Variants in HDAC11 observed in about 807,000 individuals in gnomAD.
HDAC11 encodes histone deacetylase 11.
Under a neutral mutation model 41.1 loss-of-function variants are expected in HDAC11, and 23 were observed. The observed-to-expected ratio is 0.56, with a 90% CI of 0.40 to 0.79. The LOEUF (loss-of-function observed/expected upper bound fraction) is 0.79. Among genes scored for constraint, HDAC11 ranks in the 30% least tolerant of loss-of-function variants. HDAC11 has a pLI of 0.00. For synonymous variants in HDAC11, 187 were observed against 186.6 expected (o/e 1.00, Z -0.02); for missense variants, 402 against 477.3 (o/e 0.84, Z 1.47).
At chr3:13,501,600 C>T (rs75028808) in intron 6 of HDAC11, 2 of 678,944 alleles carry the variant, frequency 2.9e-6, no homozygotes, top group African/African-American at 1.8e-5. Context: ...CCTGAGTGAC[C>T]CACTTACCTC....
In HDAC11 at chr3:13,506,320, C is replaced by T. The variant is rs1702624397; in HGVS notation, c.*1637C>T. The stretch of plus-strand genomic sequence containing the variant: ...TGTGTGTGCTGGAGGCAAAGAATCC[C>T]TACCTCCTAGGGGTGAAAGGAAATG... On this transcript the variant is annotated 3_prime_UTR_variant, in exon 10 of 10. Transcript: ENST00000295757. The T allele has an allele frequency of 6.6e-6, 1 of 152,240 alleles. No homozygotes were observed. Among genetic ancestry groups the T allele is most frequent in the African/African-American group, 2.4e-5 (1 of 41,444 alleles). The allele number at this position is 152,240 out of a possible 1,614,324, so 9.4% of individuals were successfully genotyped here. A position where few individuals can be genotyped will look rare whatever the true frequency, so the allele number is the denominator to read the frequency against.
chr3:13,481,070 T>C (rs531927654), intron 1 of HDAC11, 176 bp from the exon 2 acceptor site: 7 of 645,124 alleles, frequency 1.1e-5, no homozygotes, highest in South Asian at 7.8e-5. Context: ...TGGATTGGAA[T>C]TGGGTTCCGG....
In HDAC11 at chr3:13,506,019, C is replaced by T. The variant is rs1439207571; in HGVS notation, c.*1336C>T. On this transcript the variant is annotated 3_prime_UTR_variant, in exon 10 of 10. Transcript: ENST00000295757. The stretch of plus-strand genomic sequence containing the variant: ...CAGTGAGGGGGTGCTCCCACTGTCT[C>T]CCGGCCTCCCTAATGCTCCCTCTGC... 6.6e-6 allele frequency: 1 copy of T among 152,280 alleles called. No homozygotes were observed. Among genetic ancestry groups the T allele is most frequent in the South Asian group, 2.1e-4 (1 of 4,836 alleles). The allele number at this position is 152,280 out of a possible 1,614,324, so 9.4% of individuals were successfully genotyped here. A position where few individuals can be genotyped will look rare whatever the true frequency, so the allele number is the denominator to read the frequency against.
rs774403754 is a variant in HDAC11, at chr3:13,480,756, C to T, written c.2+407C>T. On this transcript the variant is annotated intron_variant, in intron 1 of 9. Transcript: ENST00000295757. This position sits in a 1 kb window ranked among gnomAD's most constrained non-coding sequence, Gnocchi z 4.6. ...GCGCAGCGGGGTCAGGGGATCCCCG[C>T]CCCCCGCCCTGGCTCAGGTTGGGTC... 5 of 472,166 alleles carry T rather than the reference C, an allele frequency of 1.1e-5. No homozygotes were observed. Among genetic ancestry groups the T allele is most frequent in the South Asian group, 1.6e-5 (1 of 61,984 alleles). The allele number at this position is 472,166 out of a possible 1,614,324, so 29.2% of individuals were successfully genotyped here.
chr3:13,487,319 T>C (rs1701643191), intron 3 of HDAC11, among the ~76,000 whole-genome samples: 1 of 152,198 alleles, frequency 6.6e-6, no homozygotes, highest in Non-Finnish European at 1.5e-5. Context: ...CTCAGGCTGC[T>C]TTTCCCTGGT....
At chr3:13,501,803 G>T in intron 6 of HDAC11, 68 bp from the exon 7 acceptor site, 2 of 1,442,342 alleles carry the variant, frequency 1.4e-6, no homozygotes. Context: ...CAGCCAGCTG[G>T]GAGTTGCTGT....
chr3:13,504,329 A>G lies in HDAC11; in HGVS notation c.828+57A>G. Reference sequence around the variant, plus strand: ...TCTGCTCTATGGACTCAGCAGCAGCAGGAAAGGTGGGCGGCCTCATGTCAG... The same window carrying G: ...TCTGCTCTATGGACTCAGCAGCAGCGGGAAAGGTGGGCGGCCTCATGTCAG... On this transcript the variant is annotated intron_variant, in intron 9 of 9. Transcript: ENST00000295757. The G allele has an allele frequency of 1.9e-6, 3 of 1,599,604 alleles. No homozygotes were observed. In the South Asian group the frequency reaches 3.3e-5, roughly 18 times the overall value.
At position 13,481,307 on chromosome 3, in the gene HDAC11, C is replaced by T; in HGVS notation, c.64C>T (p.Pro22Ser). The change falls in exon 2 of 10, where the codon CCG (proline) becomes TCG (serine). Residue 22 changes from proline (P) to serine (S), a missense_variant. Pro to Ser is a moderately conservative substitution (Grantham distance 74). Coordinates refer to ENST00000295757, the MANE Select transcript of HDAC11 (RefSeq NM_024827.4). Reference protein sequence around the residue: ...PETRWPIVYSPRYNITFMGLE... With the variant: ...PETRWPIVYSSRYNITFMGLE... ...GACACGCTGGCCAATCGTGTACTCG[C>T]CGCGCTACAACATCACCTTCATGGG... is the stretch of plus-strand genomic sequence containing the variant. 6.2e-7 allele frequency: 1 copy of T among 1,613,470 alleles called. No homozygotes were observed. Among genetic ancestry groups the T allele is most frequent in the Non-Finnish European group, 8.5e-7 (1 of 1,180,022 alleles).
In HDAC11 at chr3:13,502,039, G is replaced by A. The variant is rs576454041; in HGVS notation, c.552+106G>A. 13 of 873,476 alleles carry A rather than the reference G, an allele frequency of 1.5e-5. No homozygotes were observed. The highest frequency in any genetic ancestry group is 8.2e-5 in the African/African-American group (5 of 60,746). 54.1% of individuals were successfully genotyped at this position (873,476 alleles called of 1,614,324 possible). On this transcript the variant is annotated intron_variant, in intron 7 of 9. Coordinates refer to ENST00000295757, the MANE Select transcript of HDAC11 (RefSeq NM_024827.4). The surrounding 1 kb of genome is among the most constrained non-coding windows in gnomAD (Gnocchi z 4.1). The stretch of plus-strand genomic sequence containing the variant: ...CTCCTCATGTCCCCACGGCTCTCAC[G>A]GCTTCTGTCTTCTGTCTCTCGGGCT...
At chr3:13,496,977 A>G in intron 4 of HDAC11, 125 bp downstream of exon 4, 1 of 517,690 alleles carries the variant, frequency 1.9e-6, no homozygotes, top group Non-Finnish European at 3.4e-6. Context: ...ATATTCCTCA[A>G]GGCTCGGCAA....
In HDAC11 at chr3:13,480,533, GC is replaced by G; in HGVS notation, c.2+188del. On this transcript the variant is annotated intron_variant, in intron 1 of 9. Coordinates refer to ENST00000295757, the MANE Select transcript of HDAC11 (RefSeq NM_024827.4). This position sits in a 1 kb window ranked among gnomAD's most constrained non-coding sequence, Gnocchi z 4.6. ...TCCCGGCGCGCCAGGCCAGCCCCGC[GC>G]CCCTGCTCGGTGGCCCGAGGGACGC... The G allele has an allele frequency of 3.1e-6, 1 of 327,660 alleles. No homozygotes were observed. The highest frequency in any genetic ancestry group is 5.6e-5 in the East Asian group (1 of 18,000). 20.3% of individuals were successfully genotyped at this position (327,660 alleles called of 1,614,324 possible).
chr3:13,484,248 G>A (rs1701457679), intron 3 of HDAC11, among the ~76,000 whole-genome samples: 1 of 152,230 alleles, frequency 6.6e-6, no homozygotes, highest in Non-Finnish European at 1.5e-5. Context: ...ACAGGCGTGA[G>A]CCACCGCACC....
chr3:13,503,058 G>C (rs1252149323), intron 8 of HDAC11, 78 bp downstream of exon 8: 28 of 1,100,494 alleles, frequency 2.5e-5, no homozygotes, highest in Non-Finnish European at 3.7e-5. Context: ...CTGTCTGCTA[G>C]GCCCTGCAGA....
Position 13,480,997 on chromosome 3 carries a change from C to G in HDAC11, c.3-249C>G. 1 of 541,114 alleles carries G rather than the reference C, an allele frequency of 1.8e-6. No individual in the cohort carries two copies. The highest frequency in any genetic ancestry group is 3.3e-6 in the Non-Finnish European group (1 of 299,216). The allele number at this position is 541,114 out of a possible 1,614,324, so 33.5% of individuals were successfully genotyped here. A position where few individuals can be genotyped will look rare whatever the true frequency, so the allele number is the denominator to read the frequency against. On this transcript the variant is annotated intron_variant, in intron 1 of 9. Coordinates refer to ENST00000295757, the MANE Select transcript of HDAC11 (RefSeq NM_024827.4). The surrounding 1 kb of genome is among the most constrained non-coding windows in gnomAD (Gnocchi z 4.6). ...ACCTGCACTGTGACCTTGGGCACAC[C>G]TGGTCTGCTCTCTGAGCCTCTGGTG...
intron 4 of HDAC11, among the ~76,000 whole-genome samples, chr3:13,497,181 CTTTCTTTT>C (rs1414294860): frequency 1.3e-5 from 2 of 151,558 alleles, no homozygotes; most frequent in African/African-American, 4.8e-5. Flanking sequence ...TTCTTTCTTT[CTTTCTTTT>C]TTTTTTTTGA....
In HDAC11 at chr3:13,504,868, C is replaced by G; in HGVS notation, c.*185C>G. On this transcript the variant is annotated 3_prime_UTR_variant, in exon 10 of 10. Coordinates refer to ENST00000295757, the MANE Select transcript of HDAC11 (RefSeq NM_024827.4). ...GCTGGAAGCCAGAAGGGCTTGAGGCCTCTATGGGTGGGGGCAGAAGGCAGA... is the reference window on the plus strand; with the variant it reads ...GCTGGAAGCCAGAAGGGCTTGAGGCGTCTATGGGTGGGGGCAGAAGGCAGA... 3 of 625,066 alleles carry G rather than the reference C, an allele frequency of 4.8e-6. No homozygotes were observed. The highest frequency in any genetic ancestry group is 5.6e-6 in the Non-Finnish European group (2 of 355,768). The allele number at this position is 625,066 out of a possible 1,614,324, so 38.7% of individuals were successfully genotyped here. A position where few individuals can be genotyped will look rare whatever the true frequency, so the allele number is the denominator to read the frequency against.
Position 13,504,099 on chromosome 3 carries a change from A to G in HDAC11, c.655A>G (p.Ile219Val), listed in dbSNP as rs772742447. 1.9e-6 allele frequency: 3 copies of G among 1,613,954 alleles called. No homozygotes were observed. The highest frequency in any genetic ancestry group is 4.5e-5 in the East Asian group (2 of 44,878). Residue 219 changes from isoleucine (I) to valine (V), a missense_variant, in exon 9 of 10, where the codon ATC (isoleucine) becomes GTC (valine). By Grantham distance (29) the Ile-to-Val change is conservative. Coordinates refer to ENST00000295757, the MANE Select transcript of HDAC11 (RefSeq NM_024827.4). Reference sequence around the variant, plus strand: ...CATCCATGTCTCTCTCCCAGAGGCCATCAGGCGGAAGGTGGAGCTGGAGTG... The same window carrying G: ...CATCCATGTCTCTCTCCCAGAGGCCGTCAGGCGGAAGGTGGAGCTGGAGTG... ...YPGDRFAKQA[I>V]RRKVELEWGT...
chr3:13,492,188 G>A (rs544570024), intron 3 of HDAC11, among the ~76,000 whole-genome samples: 5 of 152,344 alleles, frequency 3.3e-5, no homozygotes, highest in East Asian at 1.9e-4. Flanking sequence ...TCTCTGGGGC[G>A]TGAATGTCAC....
At chr3:13,484,610 T>C (rs753549515) in intron 3 of HDAC11, among the ~76,000 whole-genome samples, 2 of 152,076 alleles carry the variant, frequency 1.3e-5, no homozygotes, top group Non-Finnish European at 2.9e-5. Context: ...CACTGTAACC[T>C]CCGCCTCCCG....
Sources: gnomAD v4.1 joint callset for allele counts (sites outside exome capture counted in the v4.1 genomes callset) on GRCh38, gnomAD v4.1.1 for gene constraint, Gnocchi (gnomAD v3.1) non-coding constraint, MANE v1.5 for transcripts, NCBI Gene and HGNC (gene_info 2026-07-23, HGNC 2026-07-21) for gene names.